Variants in PLCB1 observed in about 807,000 individuals in gnomAD.
PLCB1 encodes the protein phospholipase C beta 1.
Under a neutral mutation model 161.8 loss-of-function variants are expected in PLCB1, and 46 were observed. The observed-to-expected ratio is 0.28, with a 90% CI of 0.22 to 0.36. PLCB1 has a LOEUF of 0.36. Among genes scored for constraint, PLCB1 ranks in the 10% least tolerant of loss-of-function variants. PLCB1 has a pLI of 1.00. For missense variants in PLCB1, 1,016 were observed against 1,472.5 expected (o/e 0.69, Z 5.07); for synonymous variants, 517 against 503.7 (o/e 1.03, Z -0.35).
At chr20:8,535,544 C>G (rs544555965) in intron 3 of PLCB1, among the ~76,000 whole-genome samples, 1 of 152,088 alleles carries the variant, frequency 6.6e-6, no homozygotes, top group East Asian at 1.9e-4. Context: ...ATATAAGTAA[C>G]CAGGATAGAG....
chr20:8,596,964 C>T (rs1325418545), intron 3 of PLCB1, among the ~76,000 whole-genome samples: 1 of 152,220 alleles, frequency 6.6e-6, no homozygotes, highest in Non-Finnish European at 1.5e-5. Context: ...TATCCTGAGA[C>T]TTTGCTGAAG....
chr20:8,867,970 T>C (rs1987483848), intron 31 of PLCB1, among the ~76,000 whole-genome samples: 1 of 152,176 alleles, frequency 6.6e-6, no homozygotes, highest in Non-Finnish European at 1.5e-5. Flanking sequence ...TTACTATTAT[T>C]ATAGTAAATA....
At chr20:8,594,927 T>C (rs1202377426) in intron 3 of PLCB1, among the ~76,000 whole-genome samples, 1 of 152,174 alleles carries the variant, frequency 6.6e-6, no homozygotes, top group Non-Finnish European at 1.5e-5. Flanking sequence ...TTACAAACTT[T>C]TGAATTGTTT....
chr20:8,839,591 A>G (rs1986416828), intron 31 of PLCB1, among the ~76,000 whole-genome samples: 1 of 152,190 alleles, frequency 6.6e-6, no homozygotes, highest in Non-Finnish European at 1.5e-5. Context: ...CATCCCTACA[A>G]GTGAAGAAAC....
chr20:8,353,204 A>G (rs908395976), intron 2 of PLCB1, among the ~76,000 whole-genome samples: 5 of 152,134 alleles, frequency 3.3e-5, no homozygotes, highest in African/African-American at 1.2e-4. Flanking sequence ...ATATGGAACC[A>G]ACTAAAAGAC....
chr20:8,379,169 T>C (rs1987187620), intron 3 of PLCB1, among the ~76,000 whole-genome samples: 1 of 152,136 alleles, frequency 6.6e-6, no homozygotes, highest in African/African-American at 2.4e-5. Context: ...TTCTCATTGT[T>C]CAACTCCCAC....
At chr20:8,463,720 G>C (rs767541919) in intron 3 of PLCB1, among the ~76,000 whole-genome samples, 1 of 151,982 alleles carries the variant, frequency 6.6e-6, no homozygotes, top group Non-Finnish European at 1.5e-5. Flanking sequence ...ATTTTGGCTT[G>C]TATACGTAAC....
intron 3 of PLCB1, among the ~76,000 whole-genome samples, chr20:8,527,412 C>T (rs760268798): frequency 2.0e-5 from 3 of 152,076 alleles, no homozygotes; most frequent in Non-Finnish European, 2.9e-5. Context: ...AGCATGGATT[C>T]AATAACTATA....
intron 2 of PLCB1, among the ~76,000 whole-genome samples, chr20:8,200,147 T>A (rs923656597): frequency 6.6e-6 from 1 of 152,160 alleles, no homozygotes; most frequent in African/African-American, 2.4e-5. Flanking sequence ...ATTTTGTTTA[T>A]GCTATATTTT....
chr20:8,815,451 G>A (rs1439703358), intron 31 of PLCB1, among the ~76,000 whole-genome samples: 1 of 152,200 alleles, frequency 6.6e-6, no homozygotes, highest in African/African-American at 2.4e-5. Flanking sequence ...ATCTTGCAAC[G>A]GTGGGATGAA....
chr20:8,832,892 T>C (rs1438232064), intron 31 of PLCB1, among the ~76,000 whole-genome samples: 1 of 152,210 alleles, frequency 6.6e-6, no homozygotes, highest in African/African-American at 2.4e-5. Context: ...AGTACCCTCA[T>C]GTCGGCAGCT....
At position 8,367,986 on chromosome 20, in the gene PLCB1, A is replaced by G. The variant is rs368755605; in HGVS notation, c.178-3396A>G. 2.6e-5 allele frequency among the ~76,000 whole-genome samples: 4 copies of G among 152,262 alleles called. No homozygotes were observed. In the East Asian group the frequency reaches 5.8e-4, roughly 22 times the overall value. On this transcript the variant is annotated intron_variant, in intron 2 of 31. Coordinates refer to ENST00000338037, the MANE Select transcript of PLCB1 (RefSeq NM_015192.4). ...TCCACCCAGGTCTTCCCCACGCCAC[A>G]TTACCCTTGATGACAGTGCCCTGCG... is the stretch of plus-strand genomic sequence containing the variant.
intron 2 of PLCB1, among the ~76,000 whole-genome samples, chr20:8,362,151 T>C (rs1986564191): frequency 6.6e-6 from 1 of 152,188 alleles, no homozygotes; most frequent in African/African-American, 2.4e-5. Context: ...GAGAAGCCTG[T>C]AATATATAAG....
intron 4 of PLCB1, among the ~76,000 whole-genome samples, chr20:8,629,896 T>C: frequency 7.0e-6 from 1 of 142,438 alleles, no homozygotes; most frequent in African/African-American, 2.6e-5. Flanking sequence ...TTTCTTTTCT[T>C]TCTTTCTTTC....
chr20:8,195,229 CA>C (rs964170190), intron 2 of PLCB1, among the ~76,000 whole-genome samples: 5 of 151,572 alleles, frequency 3.3e-5, no homozygotes, highest in Non-Finnish European at 5.9e-5. Flanking sequence ...CATAATTTTT[CA>C]AAAAAGGCTC....
chr20:8,543,222 A>T lies in PLCB1; in HGVS notation c.247-85072A>T, dbSNP rs569468049. Reference sequence around the variant, plus strand: ...AAAAAATAAGTAAAATAAGGAAAATAGGAAGAGTTTGGGGAGCTTAATGGG... The same window carrying T: ...AAAAAATAAGTAAAATAAGGAAAATTGGAAGAGTTTGGGGAGCTTAATGGG... On this transcript the variant is annotated intron_variant, in intron 3 of 31. Transcript: ENST00000338037. Among the ~76,000 whole-genome samples the T allele has an allele frequency of 2.0e-4, 31 of 152,316 alleles. No individual in the cohort carries two copies. In the South Asian group the frequency reaches 3.9e-3, roughly 19 times the overall value.
chr20:8,430,255 A>G (rs1862987134), intron 3 of PLCB1, among the ~76,000 whole-genome samples: 1 of 152,048 alleles, frequency 6.6e-6, no homozygotes, highest in Admixed American at 6.5e-5. Flanking sequence ...CATCTACATA[A>G]TTAGAGAGGA....
chr20:8,220,313 A>G (rs1161593639), intron 2 of PLCB1, among the ~76,000 whole-genome samples: 1 of 152,212 alleles, frequency 6.6e-6, no homozygotes, highest in African/African-American at 2.4e-5. Flanking sequence ...AAACAACAGA[A>G]TCAGATTAGG....
rs987040277 is a variant in PLCB1 at position 8,646,263 on chromosome 20, G to A, written c.464+82G>A. The A allele has an allele frequency of 2.0e-5, 19 of 932,912 alleles. No individual in the cohort carries two copies. In the Admixed American group the frequency reaches 2.7e-4, roughly 13 times the overall value. The allele number at this position is 932,912 out of a possible 1,614,324, so 57.8% of individuals were successfully genotyped here. A position where few individuals can be genotyped will look rare whatever the true frequency, so the allele number is the denominator to read the frequency against. On this transcript the variant is annotated intron_variant, in intron 5 of 31. Transcript: ENST00000338037. The stretch of plus-strand genomic sequence containing the variant: ...TCTCCTTTGTGAGTCTTCCGTTTAT[G>A]CCATACTGACTTCTCACATTGATAA...
Sources: allele counts gnomAD v4.1 joint callset (sites outside exome capture counted in the v4.1 genomes callset), GRCh38; gene constraint gnomAD v4.1.1; transcripts MANE v1.5; gene names NCBI Gene and HGNC (gene_info 2026-07-23, HGNC 2026-07-21).